FOXO1: variants seen among roughly 807,000 people sequenced by gnomAD.
The protein encoded by FOXO1 is forkhead box O1, also known as forkhead box protein O1.
In FOXO1, 6 loss-of-function variants were observed where a neutral mutation model predicts 44.1. The observed-to-expected ratio is 0.14, with a 90% confidence interval of 0.07 to 0.27. The LOEUF (loss-of-function observed/expected upper bound fraction) is 0.27, where lower values mean the gene tolerates loss of function less well. Among genes scored for constraint, FOXO1 ranks in the 10% least tolerant of loss-of-function variants. FOXO1 has a pLI of 1.00. For missense variants in FOXO1, 737 were observed against 888.8 expected, an observed-to-expected ratio of 0.83 and a Z score of 2.17; for synonymous variants, 380 against 362.7, an observed-to-expected ratio of 1.05 and a Z score of -0.54.
chr13:40,641,382 C>T (rs1877347888), intron 1 of FOXO1, among the ~76,000 whole-genome samples: 1 of 151,672 alleles, frequency 6.6e-6, no homozygotes. Context: ...TTCACTAATA[C>T]TTTGACATAA....
chr13:40,577,149 C>A (rs1874783226), intron 1 of FOXO1, among the ~76,000 whole-genome samples: 1 of 148,932 alleles, frequency 6.7e-6, no homozygotes, highest in South Asian at 2.2e-4. Flanking sequence ...GCATCAGACT[C>A]CCCCCACCCA....
At chr13:40,634,698 T>A (rs1448331948) in intron 1 of FOXO1, among the ~76,000 whole-genome samples, 1 of 151,622 alleles carries the variant, frequency 6.6e-6, no homozygotes, top group Admixed American at 6.6e-5. Flanking sequence ...TTTTTTTTTT[T>A]AGACGGAGTC....
At chr13:40,664,541 C>T (rs1416835215) in intron 1 of FOXO1, among the ~76,000 whole-genome samples, 7 of 152,176 alleles carry the variant, frequency 4.6e-5, no homozygotes, top group Non-Finnish European at 7.4e-5. Context: ...CGCACCGCCA[C>T]TCCGACTCCC....
chr13:40,590,386 A>G (rs984191991), intron 1 of FOXO1, among the ~76,000 whole-genome samples: 6 of 152,222 alleles, frequency 3.9e-5, no homozygotes, highest in African/African-American at 1.4e-4. Context: ...CTCTTCTTAC[A>G]TAAAGACTCC....
chr13:40,615,715 C>A (rs1357769352), intron 1 of FOXO1, among the ~76,000 whole-genome samples: 4 of 152,150 alleles, frequency 2.6e-5, no homozygotes, highest in Non-Finnish European at 5.9e-5. Context: ...AGACAGACAT[C>A]TGGGGAAGAG....
At position 40,619,558 on chromosome 13, in the gene FOXO1, A is replaced by G. The variant is rs1876540623; in HGVS notation, c.630+46025T>C. 1.1e-5 allele frequency: 15 copies of G among 1,412,964 alleles called. No homozygotes were observed. The Admixed American group carries it at 2.4e-4, about 22-fold the overall frequency. The allele number at this position is 1,412,964 out of a possible 1,614,324, so 87.5% of individuals were successfully genotyped here. On this transcript the variant is annotated intron_variant, in intron 1 of 2. Coordinates refer to ENST00000379561, the MANE Select transcript of FOXO1 (RefSeq NM_002015.4). Reference sequence around the variant, plus strand: ...TGAAATTCATGGAGATTATACAAACATTCCACTTTCAGATAGTAACAGAGA... The same window carrying G: ...TGAAATTCATGGAGATTATACAAACGTTCCACTTTCAGATAGTAACAGAGA...
At position 40,585,341 on chromosome 13, in the gene FOXO1, G is replaced by GCACACA. The variant is rs1347829239; in HGVS notation, c.631-24482_631-24481insTGTGTG. Among the ~76,000 whole-genome samples, 15 of 94,704 alleles carry GCACACA rather than the reference G, an allele frequency of 1.6e-4. No individual in the cohort carries two copies. The South Asian group carries it at 1.6e-3, about 10-fold the overall frequency. The allele number at this position is 94,704 out of a possible 152,430, so 62.1% of individuals were successfully genotyped here. A position where few individuals can be genotyped will look rare whatever the true frequency, so the allele number is the denominator to read the frequency against. ...GTATGTAAGTATTTCCTCTGCGCGCGCGCACACACACACACACACACACAC... is the reference window on the plus strand; with the variant it reads ...GTATGTAAGTATTTCCTCTGCGCGCGCACACACGCACACACACACACACACACACAC... On this transcript the variant is annotated intron_variant, in intron 1 of 2. Transcript: ENST00000379561.
At chr13:40,657,050 G>A (rs185657015) in intron 1 of FOXO1, among the ~76,000 whole-genome samples, 24 of 152,164 alleles carry the variant, frequency 1.6e-4, no homozygotes, top group Admixed American at 3.9e-4. Flanking sequence ...AGCCAGGATG[G>A]TCTCAATCTC....
intron 1 of FOXO1, among the ~76,000 whole-genome samples, chr13:40,602,467 T>C (rs1875846151): frequency 6.6e-6 from 1 of 152,188 alleles, no homozygotes; most frequent in South Asian, 2.1e-4. Context: ...TTAATACCGA[T>C]CCCTTAGGGG....
chr13:40,621,318 GT>G, intron 1 of FOXO1: 6 of 667,494 alleles, frequency 9.0e-6, no homozygotes, highest in Non-Finnish European at 1.1e-5. Flanking sequence ...TCAGCAGCCT[GT>G]TTTAGGGTCC....
chr13:40,594,706 G>A (rs1875512517), intron 1 of FOXO1, among the ~76,000 whole-genome samples: 1 of 152,152 alleles, frequency 6.6e-6, no homozygotes, highest in Admixed American at 6.5e-5. Context: ...CTGTTTTAGA[G>A]ACAGGGTCTT....
At chr13:40,627,806 C>G (rs1219642024) in intron 1 of FOXO1, among the ~76,000 whole-genome samples, 1 of 151,256 alleles carries the variant, frequency 6.6e-6, no homozygotes, top group Admixed American at 6.6e-5. Flanking sequence ...GCACTCCAGC[C>G]TGGGCAACAG....
chr13:40,575,825 A>C (rs1415306761), intron 1 of FOXO1, among the ~76,000 whole-genome samples: 2 of 152,194 alleles, frequency 1.3e-5, no homozygotes, highest in Non-Finnish European at 2.9e-5. Flanking sequence ...CACACGCAAA[A>C]CAAGAAAGGA....
chr13:40,571,541 A>T (rs987485202), intron 1 of FOXO1, among the ~76,000 whole-genome samples: 19 of 152,198 alleles, frequency 1.2e-4, no homozygotes, highest in African/African-American at 4.6e-4. Flanking sequence ...GTACTGCCAA[A>T]TCCACAGCAG....
rs113646422 is a variant in FOXO1 at position 40,564,313 on chromosome 13, T to A, written c.631-3453A>T. 3.3e-3 allele frequency among the ~76,000 whole-genome samples: 503 copies of A among 152,138 alleles called. 3 individuals are homozygous for A. Among genetic ancestry groups the A allele is most frequent in the African/African-American group, 0.012 (479 of 41,526 alleles). ...AAAAAAAGCCACAGCAGTCTCCTAC[T>A]TATCAAAACATCATATTACATATTT... On this transcript the variant is annotated intron_variant, in intron 1 of 2. Coordinates refer to ENST00000379561, the MANE Select transcript of FOXO1 (RefSeq NM_002015.4).
At chr13:40,564,618 G>T (rs566750979) in intron 1 of FOXO1, among the ~76,000 whole-genome samples, 1 of 152,334 alleles carries the variant, frequency 6.6e-6, no homozygotes, top group East Asian at 1.9e-4. Flanking sequence ...CAGTTCACCA[G>T]AAGGACTTCG....
intron 1 of FOXO1, among the ~76,000 whole-genome samples, chr13:40,599,211 C>T (rs1278901519): frequency 6.9e-6 from 1 of 144,852 alleles, no homozygotes; most frequent in African/African-American, 2.5e-5. Flanking sequence ...AAGTGAAAAA[C>T]ACGCTGAAAA....
chr13:40,637,388 G>A (rs1281222966), intron 1 of FOXO1, among the ~76,000 whole-genome samples: 1 of 139,404 alleles, frequency 7.2e-6, no homozygotes, highest in Admixed American at 7.8e-5. Flanking sequence ...AGGTTGCAGT[G>A]AGCCAAGATC....
Position 40,665,931 on chromosome 13 carries a change from C to T in FOXO1, c.282G>A (p.Val94=), listed in dbSNP as rs981898286. The change falls in exon 1 of 3, where the codon GTG becomes GTA. Residue 94 remains valine, a synonymous_variant. Transcript: ENST00000379561. ...PQAPGSVAAA[V]AAAAAAAATG... is the part of the protein sequence containing the mutation. ...TGGCGGCCGCGGCGGCCGCCGCCGCCACCGCCGCCGCCACGGAGCCGGGCG... is the reference window on the plus strand; with the variant it reads ...TGGCGGCCGCGGCGGCCGCCGCCGCTACCGCCGCCGCCACGGAGCCGGGCG... The T allele has an allele frequency of 1.6e-6, 2 of 1,213,394 alleles. No homozygotes were observed. The highest frequency in any genetic ancestry group is 3.2e-5 in the African/African-American group (2 of 63,056). The allele number at this position is 1,213,394 out of a possible 1,614,324, so 75.2% of individuals were successfully genotyped here.
Sources: gnomAD v4.1 joint callset for allele counts (sites outside exome capture counted in the v4.1 genomes callset) on GRCh38, gnomAD v4.1.1 for gene constraint, MANE v1.5 for transcripts, NCBI Gene and HGNC (gene_info 2026-07-23, HGNC 2026-07-21) for gene names.